The following KIAA1217 variants were observed in gnomAD, a reference collection of about 807,000 sequenced individuals.
KIAA1217 encodes the protein KIAA1217.
KIAA1217 carries 88 observed loss-of-function variants against 163.9 expected under a neutral mutation model. The ratio of observed to expected loss-of-function variants is 0.54; its 90% CI spans 0.45 to 0.64. The LOEUF (loss-of-function observed/expected upper bound fraction) is 0.64. Ranked by LOEUF, KIAA1217 falls within the 30% of genes least tolerant of loss-of-function variation. KIAA1217 has a pLI of 0.00. For synonymous variants in KIAA1217, 903 were observed against 923.1 expected (o/e 0.98, Z 0.39); for missense variants, 2,372 against 2,475.0 (o/e 0.96, Z 0.88).
At chr10:24,140,380 A>G (rs1235659789) in intron 2 of KIAA1217, among the ~76,000 whole-genome samples, 1 of 151,986 alleles carries the variant, frequency 6.6e-6, no homozygotes, top group Non-Finnish European at 1.5e-5. Context: ...AAAAAAAGAA[A>G]TCACTTTATG....
At position 24,219,935 on chromosome 10, in the gene KIAA1217, T is replaced by C. The variant is rs144424146; in HGVS notation, c.354+26T>C. ...GTACGAATATGCTCTCATTTCTCCTTGTGTAGCTCGCTCTCTAATGAACAT... is the reference window on the plus strand; with the variant it reads ...GTACGAATATGCTCTCATTTCTCCTCGTGTAGCTCGCTCTCTAATGAACAT... On this transcript the variant is annotated intron_variant, in intron 2 of 20. Coordinates refer to ENST00000376454, the MANE Select transcript of KIAA1217 (RefSeq NM_019590.5). The C allele has an allele frequency of 6.4e-5, 99 of 1,552,712 alleles. 1 individual carries two copies. In the African/African-American group the frequency reaches 1.2e-3, roughly 19 times the overall value.
At chr10:24,333,910 T>A (rs373441840) in intron 2 of KIAA1217, among the ~76,000 whole-genome samples, 1 of 152,242 alleles carries the variant, frequency 6.6e-6, no homozygotes, top group East Asian at 1.9e-4. Context: ...AGCACATGGA[T>A]GTCAGCTGTT....
chr10:24,377,867 G>A (rs549976987), intron 2 of KIAA1217, among the ~76,000 whole-genome samples: 2 of 151,906 alleles, frequency 1.3e-5, no homozygotes, highest in African/African-American at 4.8e-5. Context: ...GTCAGCGGTG[G>A]TTTGCTTGTA....
intron 2 of KIAA1217, among the ~76,000 whole-genome samples, chr10:24,201,129 GAC>G (rs2067234946): frequency 6.6e-6 from 1 of 152,006 alleles, no homozygotes; most frequent in Non-Finnish European, 1.5e-5. Context: ...AAATTAGCCA[GAC>G]GTGGCGGCAC....
intron 1 of KIAA1217, among the ~76,000 whole-genome samples, chr10:24,215,982 G>C (rs1039490873): frequency 6.6e-6 from 1 of 152,208 alleles, no homozygotes; most frequent in Admixed American, 6.5e-5. Flanking sequence ...AGTGGTTGAT[G>C]CTTTTTGTAC....
chr10:23,794,840 A>G (rs138893446), intron 1 of KIAA1217, among the ~76,000 whole-genome samples: 6 of 152,282 alleles, frequency 3.9e-5, no homozygotes, highest in Admixed American at 6.5e-5. Context: ...CTTTTATCTG[A>G]TTGTCAAAAG....
At chr10:23,888,880 A>T (rs779147348) in intron 1 of KIAA1217, among the ~76,000 whole-genome samples, 2 of 151,804 alleles carry the variant, frequency 1.3e-5, no homozygotes, top group Non-Finnish European at 2.9e-5. Context: ...CAACCAACCG[A>T]TCTGACATTT....
At chr10:24,098,724 C>CGTGTGTGTGTGTGT (rs10524680) in intron 2 of KIAA1217, among the ~76,000 whole-genome samples, 5,453 of 139,196 alleles carry the variant, frequency 0.039, 137 homozygotes, top group African/African-American at 0.076. Context: ...TGAAGGGGAG[C>CGTGTGTGTGTGTGT]GTGTGTGTGT....
rs761143035 is a variant in KIAA1217, at chr10:24,542,679, C to T, written c.3535-14C>T. The T allele has an allele frequency of 1.2e-6, 2 of 1,611,808 alleles. No homozygotes were observed. The highest frequency in any genetic ancestry group is 2.2e-5 in the South Asian group (2 of 91,030). ...TGGTTTTGTGGAGTAACATGTCCTA[C>T]ACTATTCTACCAGAATTTGGAATTT... On this transcript the variant is annotated splice_polypyrimidine_tract_variant and intron_variant, in intron 17 of 20. Coordinates refer to ENST00000376454, the MANE Select transcript of KIAA1217 (RefSeq NM_019590.5).
intron 2 of KIAA1217, among the ~76,000 whole-genome samples, chr10:24,130,517 C>T (rs2063615358): frequency 6.6e-6 from 1 of 152,088 alleles, no homozygotes; most frequent in Admixed American, 6.6e-5. Context: ...TGGTAGTATC[C>T]AACTCCATAT....
intron 1 of KIAA1217, among the ~76,000 whole-genome samples, chr10:23,783,663 A>C (rs558900407): frequency 4.3e-4 from 66 of 152,186 alleles, no homozygotes; most frequent in African/African-American, 1.4e-3. Flanking sequence ...TGTTTGGTAG[A>C]ATTCATCCAT....
intron 3 of KIAA1217, among the ~76,000 whole-genome samples, chr10:24,415,135 A>C (rs1285591038): frequency 1.6e-5 from 2 of 124,978 alleles, no homozygotes; most frequent in African/African-American, 6.4e-5. Flanking sequence ...TTTTTTTGAG[A>C]TAGAGTCTTT....
intron 1 of KIAA1217, among the ~76,000 whole-genome samples, chr10:23,914,416 G>C (rs1191797997): frequency 6.6e-6 from 1 of 152,146 alleles, no homozygotes; most frequent in East Asian, 1.9e-4. Context: ...CTGGGCTCAA[G>C]CAATCCTCCC....
intron 2 of KIAA1217, among the ~76,000 whole-genome samples, chr10:24,326,103 C>T (rs1304602766): frequency 1.3e-5 from 2 of 152,078 alleles, no homozygotes; most frequent in South Asian, 2.1e-4. Context: ...AAAGGCCTTG[C>T]ATATTTGGGA....
At chr10:24,409,205 G>A (rs2057519973) in intron 3 of KIAA1217, among the ~76,000 whole-genome samples, 1 of 152,084 alleles carries the variant, frequency 6.6e-6, no homozygotes, top group Non-Finnish European at 1.5e-5. Flanking sequence ...CCAAAACCAA[G>A]TACCCTGACA....
In KIAA1217 at chr10:24,540,272, C is replaced by T. The variant is rs185887817; in HGVS notation, c.3535-2421C>T. Among the ~76,000 whole-genome samples, 8 of 152,276 alleles carry T rather than the reference C, an allele frequency of 5.3e-5. No individual in the cohort carries two copies. In the East Asian group the frequency reaches 9.6e-4, roughly 18 times the overall value. On this transcript the variant is annotated intron_variant, in intron 17 of 20. Transcript: ENST00000376454. ...TTTTTGAGACCGAGTCTCGCTCTCT[C>T]GCCCAGGCTGGAGTGCAGTGGTGCA... is the stretch of plus-strand genomic sequence containing the variant.
At chr10:24,068,697 G>A (rs751739063) in intron 2 of KIAA1217, among the ~76,000 whole-genome samples, 2 of 152,106 alleles carry the variant, frequency 1.3e-5, no homozygotes, top group Admixed American at 6.6e-5. Context: ...GTTTTTAGTG[G>A]CCCACAGGTG....
intron 1 of KIAA1217, among the ~76,000 whole-genome samples, chr10:23,840,095 G>C (rs955444177): frequency 7.2e-5 from 11 of 151,914 alleles, no homozygotes; most frequent in Non-Finnish European, 1.5e-5. Flanking sequence ...GTCCACATTT[G>C]GTTGGTATAT....
In KIAA1217 at chr10:24,282,296, G is replaced by C. The variant is rs141039958; in HGVS notation, c.354+62387G>C. Among the ~76,000 whole-genome samples, 203 of 151,910 alleles carry C rather than the reference G, an allele frequency of 1.3e-3. 2 individuals carry two copies. The highest frequency in any genetic ancestry group is 4.4e-3 in the African/African-American group (182 of 41,430). On this transcript the variant is annotated intron_variant, in intron 2 of 20. Coordinates refer to ENST00000376454, the MANE Select transcript of KIAA1217 (RefSeq NM_019590.5). Reference sequence around the variant, plus strand: ...CACGAGGCTGAGGAGTCTTTTTCAGGTTTCTCCACTGTAAGGTCACACACA... The same window carrying C: ...CACGAGGCTGAGGAGTCTTTTTCAGCTTTCTCCACTGTAAGGTCACACACA...
Sources: gnomAD v4.1 joint callset for allele counts (sites outside exome capture counted in the v4.1 genomes callset) on GRCh38, gnomAD v4.1.1 for gene constraint, MANE v1.5 for transcripts, NCBI Gene and HGNC (gene_info 2026-07-23, HGNC 2026-07-21) for gene names.